ZNF780A: variants seen among roughly 807,000 people sequenced by gnomAD.
The protein encoded by ZNF780A is zinc finger protein 780A.
ZNF780A carries 40 observed loss-of-function variants against 56.7 expected under a neutral mutation model. The observed-to-expected ratio is 0.71, with a 90% confidence interval of 0.55 to 0.92. ZNF780A has a LOEUF of 0.92. Ranked by LOEUF, ZNF780A falls within the 40% of genes least tolerant of loss-of-function variation. The pLI is 0.00. For missense variants in ZNF780A, 672 were observed against 783.3 expected (o/e 0.86, Z 1.70); for synonymous variants, 231 against 248.3 (o/e 0.93, Z 0.66).
intron 5 of ZNF780A, among the ~76,000 whole-genome samples, chr19:40,078,178 C>T (rs1192674651): frequency 6.6e-6 from 1 of 151,602 alleles, no homozygotes; most frequent in Non-Finnish European, 1.5e-5. Context: ...AAATCTTCAA[C>T]AACAGACTAG....
chr19:40,086,901 C>T (rs1261202055), intron 2 of ZNF780A, among the ~76,000 whole-genome samples: 1 of 152,056 alleles, frequency 6.6e-6, no homozygotes, highest in Non-Finnish European at 1.5e-5. Context: ...CAAGGTTTCA[C>T]CACGTTGGCA....
At chr19:40,084,932 C>A in intron 2 of ZNF780A, 134 bp from the exon 3 acceptor site, 1 of 1,151,872 alleles carries the variant, frequency 8.7e-7, no homozygotes, top group South Asian at 1.5e-5. Context: ...CATCACTCCC[C>A]TTGCCCCCAC....
Position 40,074,145 on chromosome 19 carries a change from G to A in ZNF780A, c.*371C>T. ...AATACTCTGATGTTGAACAAGGTTT[G>A]AGCCACTATTGAAGGCCTTCCCACA... On this transcript the variant is annotated 3_prime_UTR_variant, in exon 6 of 6. Coordinates refer to ENST00000683561, the MANE Select transcript of ZNF780A (RefSeq NM_001142578.2). The A allele has an allele frequency of 2.2e-6, 3 of 1,347,528 alleles. No individual in the cohort carries two copies. Among genetic ancestry groups the A allele is most frequent in the South Asian group, 1.5e-5 (1 of 67,480 alleles). 83.5% of individuals were successfully genotyped at this position (1,347,528 alleles called of 1,614,324 possible).
chr19:40,090,529 C>T (rs116096979), intron 1 of ZNF780A: 1 of 152,254 alleles, frequency 6.6e-6, no homozygotes, highest in Admixed American at 6.5e-5. Flanking sequence ...TCTGACCTCC[C>T]TACTGGGGCC....
At position 40,074,217 on chromosome 19, in the gene ZNF780A, C is replaced by A; in HGVS notation, c.*299G>T. 7.0e-7 allele frequency: 1 copy of A among 1,419,066 alleles called. No individual in the cohort carries two copies. The highest frequency in any genetic ancestry group is 9.3e-7 in the Non-Finnish European group (1 of 1,076,576). 87.9% of individuals were successfully genotyped at this position (1,419,066 alleles called of 1,614,324 possible). On this transcript the variant is annotated 3_prime_UTR_variant, in exon 6 of 6. Transcript: ENST00000683561. Reference sequence around the variant, plus strand: ...CTCGCCAGTATGAATGACCTGAAGTCCAGCAAGCTGTGTCAGAAAACTGAA... The same window carrying A: ...CTCGCCAGTATGAATGACCTGAAGTACAGCAAGCTGTGTCAGAAAACTGAA...
intron 2 of ZNF780A, 113 bp downstream of exon 2, chr19:40,090,053 G>A (rs1478143993): frequency 6.6e-6 from 1 of 152,146 alleles, no homozygotes; most frequent in East Asian, 1.9e-4. Flanking sequence ...GGTGAAGGAG[G>A]GGGCACGAAT....
chr19:40,087,133 C>A (rs1246597574), intron 2 of ZNF780A, among the ~76,000 whole-genome samples: 5 of 152,102 alleles, frequency 3.3e-5, no homozygotes, highest in East Asian at 1.9e-4. Context: ...TCACTTGAGT[C>A]TAGTATGATT....
intron 5 of ZNF780A, among the ~76,000 whole-genome samples, chr19:40,078,584 C>A (rs1242254733): frequency 6.6e-6 from 1 of 151,908 alleles, no homozygotes; most frequent in Non-Finnish European, 1.5e-5. Flanking sequence ...TCTCATTAGC[C>A]GAACAGCAGA....
downstream of ZNF780A, chr19:40,071,054 T>C (rs192394140): frequency 6.3e-4 from 96 of 152,194 alleles, no homozygotes; most frequent in Admixed American, 6.2e-3. Flanking sequence ...ACCTGAAAAA[T>C]GTTTAGAAAA....
At chr19:40,083,317 A>G in intron 3 of ZNF780A, 80 bp from the exon 4 acceptor site, 1 of 1,572,944 alleles carries the variant, frequency 6.4e-7, no homozygotes, top group Non-Finnish European at 8.6e-7. Context: ...GAAGGAGTGT[A>G]GTGTAAGAAA....
chr19:40,074,069 T>C lies in ZNF780A; in HGVS notation c.*447A>G, dbSNP rs1568442499. Reference sequence around the variant, plus strand: ...GATGTGCAGTCAGGACCAAACTAAATCTGAAAGTTTTCCCACACTCCTTAC... The same window carrying C: ...GATGTGCAGTCAGGACCAAACTAAACCTGAAAGTTTTCCCACACTCCTTAC... On this transcript the variant is annotated 3_prime_UTR_variant, in exon 6 of 6. Coordinates refer to ENST00000683561, the MANE Select transcript of ZNF780A (RefSeq NM_001142578.2). 2.4e-6 allele frequency: 3 copies of C among 1,259,532 alleles called. No homozygotes were observed. The highest frequency in any genetic ancestry group is 1.8e-5 in the South Asian group (1 of 54,666). The allele number at this position is 1,259,532 out of a possible 1,614,324, so 78.0% of individuals were successfully genotyped here.
Position 40,074,406 on chromosome 19 carries a change from T to C in ZNF780A, c.*110A>G, listed in dbSNP as rs1973952135. The C allele has an allele frequency of 6.4e-7, 1 of 1,552,024 alleles. No homozygotes were observed. Among genetic ancestry groups the C allele is most frequent in the Non-Finnish European group, 8.7e-7 (1 of 1,153,548 alleles). On this transcript the variant is annotated 3_prime_UTR_variant, in exon 6 of 6. Coordinates refer to ENST00000683561, the MANE Select transcript of ZNF780A (RefSeq NM_001142578.2). ...TGCTGAATAACGTTTGAACCACAAA[T>C]GAAGCCTTTCCCACACCCCTTACAT...
chr19:40,084,631 C>A, intron 3 of ZNF780A, 114 bp downstream of exon 3: 1 of 1,075,760 alleles, frequency 9.3e-7, no homozygotes, highest in Non-Finnish European at 1.3e-6. Context: ...TGTAATGGGA[C>A]AAACTGGGGT....
chr19:40,075,558 T>G lies in ZNF780A; in HGVS notation c.884A>C (p.His295Pro), dbSNP rs761099805. 3.2e-5 allele frequency: 52 copies of G among 1,613,698 alleles called. No homozygotes were observed. Among genetic ancestry groups the G allele is most frequent in the Admixed American group, 2.3e-4 (14 of 59,982 alleles). ...TTTCTCATTGGAATGAATTTTCTGA[T>G]GCTGAATAAGGTGTGCACCACGATT... ...GFNRGAHLIQ[H>P]QKIHSNEKPF... is the part of the protein sequence containing the mutation. Residue 295 changes from histidine (H) to proline (P), a missense_variant, in exon 6 of 6, where the codon CAT becomes CCT. His to Pro is a moderately conservative substitution (Grantham distance 77). Coordinates refer to ENST00000683561, the MANE Select transcript of ZNF780A (RefSeq NM_001142578.2).
rs764400076 is a variant in ZNF780A, at chr19:40,075,652, G to A, written c.790C>T (p.Leu264Phe). The A allele has an allele frequency of 1.9e-6, 3 of 1,613,460 alleles. No individual in the cohort carries two copies. The highest frequency in any genetic ancestry group is 2.5e-6 in the Non-Finnish European group (3 of 1,179,902). ...GAATGAATACTCTGATGTTGAACAA[G>A]GTTTGAGCTACGATTAAAGGACTTC... ...CGKSFNRSSN[L>F]VQHQSIHSGV... The change falls in exon 6 of 6, where the codon CTT (leucine) becomes TTT (phenylalanine). Residue 264 changes from leucine to phenylalanine, a missense_variant. Leu to Phe is a conservative substitution (Grantham distance 22). Transcript: ENST00000683561.
Position 40,075,302 on chromosome 19 carries a change from C to G in ZNF780A, c.1140G>C (p.Lys380Asn). Residue 380 changes from lysine to asparagine, a missense_variant, in exon 6 of 6, where the codon AAG becomes AAC. Coordinates refer to ENST00000683561, the MANE Select transcript of ZNF780A (RefSeq NM_001142578.2). ...FSLLNQLNRH[K>N]NIHTGEKPFE... ...ACGGTTTTTCACCTGTGTGAATGTT[C>G]TTATGGCGATTAAGCTGGTTGAGAA... 2 of 1,613,608 alleles carry G rather than the reference C, an allele frequency of 1.2e-6. No individual in the cohort carries two copies. The highest frequency in any genetic ancestry group is 1.7e-6 in the Non-Finnish European group (2 of 1,179,926).
chr19:40,088,253 G>A (rs1212492865), intron 2 of ZNF780A, among the ~76,000 whole-genome samples: 1 of 152,018 alleles, frequency 6.6e-6, no homozygotes, highest in African/African-American at 2.4e-5. Context: ...GAAAATATTT[G>A]CAACCATATA....
intron 2 of ZNF780A, chr19:40,089,330 G>C: frequency 1.5e-6 from 2 of 1,331,446 alleles, no homozygotes; most frequent in Non-Finnish European, 2.0e-6. Context: ...AAGAATTTCT[G>C]TCCTAGATCA....
rs1973944199 is a variant in ZNF780A, at chr19:40,074,169, C to T, written c.*347G>A. The T allele has an allele frequency of 5.1e-6, 7 of 1,385,558 alleles. No homozygotes were observed. The Middle Eastern group carries it at 6.0e-4, about 119-fold the overall frequency. 85.8% of individuals were successfully genotyped at this position (1,385,558 alleles called of 1,614,324 possible). On this transcript the variant is annotated 3_prime_UTR_variant, in exon 6 of 6. Transcript: ENST00000683561. ...TGAGCCACTATTGAAGGCCTTCCCA[C>T]ATTTCTCAAATTCAAATGGCTTCTC...
Sources: allele counts gnomAD v4.1 joint callset (sites outside exome capture counted in the v4.1 genomes callset), GRCh38; gene constraint gnomAD v4.1.1; transcripts MANE v1.5; gene names NCBI Gene and HGNC (gene_info 2026-07-23, HGNC 2026-07-21).